Variants in BOD1L1 observed in about 807,000 individuals in gnomAD.
BOD1L1 encodes the protein biorientation of chromosomes in cell division protein 1-like 1.
A neutral mutation model predicts 240.7 loss-of-function variants in BOD1L1; 86 were observed. The observed-to-expected ratio is 0.36, with a 90% CI of 0.30 to 0.43. The LOEUF (loss-of-function observed/expected upper bound fraction) is 0.43, where lower values mean the gene tolerates loss of function less well. Ranked by LOEUF, BOD1L1 falls within the 20% of genes least tolerant of loss-of-function variation. The probability of loss-of-function intolerance (pLI) is 1.00; values close to 1 mark genes in which losing one functional copy is unlikely to be tolerated. For missense variants in BOD1L1, 3,554 were observed against 3,643.5 expected (o/e 0.98, Z 0.63); for synonymous variants, 1,268 against 1,272.3 (o/e 1.00, Z 0.07).
rs773765710 is a variant in BOD1L1 at position 13,602,881 on chromosome 4, G to A, written c.4019C>T (p.Thr1340Ile). ...TTCACCACCTTCTTTGCTGTCACTT[G>A]TCTTAAGGACTTCTGATTCCCTAAC... ...LTVRESEVLK[T>I]SDSKEGGEGF... Residue 1340 changes from threonine to isoleucine, a missense_variant, in exon 10 of 26, where the codon ACA becomes ATA. Physicochemically the swap from Thr to Ile is moderately conservative, Grantham distance 89. This residue lies in a region of BOD1L1 where 3,393 missense variants were observed against 3,427.1 expected (regional missense o/e 0.99). Coordinates refer to ENST00000040738, the MANE Select transcript of BOD1L1 (RefSeq NM_148894.3). 5 of 1,613,868 alleles carry A rather than the reference G, an allele frequency of 3.1e-6. No homozygotes were observed. The highest frequency in any genetic ancestry group is 2.2e-5 in the South Asian group (2 of 91,082).
chr4:13,584,553 T>G lies in BOD1L1; in HGVS notation c.8434-1817A>C, dbSNP rs115439848. Among the ~76,000 whole-genome samples the G allele has an allele frequency of 7.4e-4, 113 of 151,840 alleles. 1 individual carries two copies. The highest frequency in any genetic ancestry group is 2.6e-3 in the African/African-American group (108 of 41,440). ...CTCATTTCAGCCAGAACATCTACAC[T>G]TTTATCTGTTTCATATAGTGGGCTG... On this transcript the variant is annotated intron_variant, in intron 17 of 25. Transcript: ENST00000040738.
Position 13,603,779 on chromosome 4 carries a change from C to A in BOD1L1, c.3121G>T (p.Asp1041Tyr). The A allele has an allele frequency of 6.2e-7, 1 of 1,613,520 alleles. No homozygotes were observed. Residue 1041 changes from aspartate to tyrosine, a missense_variant, in exon 10 of 26, where the codon GAT (aspartate) becomes TAT (tyrosine). Asp to Tyr is a radical substitution (Grantham distance 160). Transcript: ENST00000040738. ...TCAACTTCTTTACCATCCTTGTCAT[C>A]TGATTTATTTTCGTCCTTCTTTTTT... is the stretch of plus-strand genomic sequence containing the variant. ...DIKKKDENKS[D>Y]DKDGKEVDSS...
chr4:13,608,029 CT>C (rs1238501438), intron 8 of BOD1L1, among the ~76,000 whole-genome samples: 1 of 152,130 alleles, frequency 6.6e-6, no homozygotes, highest in Non-Finnish European at 1.5e-5. Flanking sequence ...TCAAGAGTCT[CT>C]TTAGCTTTCT....
chr4:13,597,068 A>G, intron 11 of BOD1L1, 36 bp downstream of exon 11: 1 of 1,499,848 alleles, frequency 6.7e-7, no homozygotes, highest in Non-Finnish European at 9.1e-7. Context: ...GTATTTAATC[A>G]CTTACAGTTC....
rs1276018266 is a variant in BOD1L1 at position 13,600,922 on chromosome 4, T to C, written c.5978A>G (p.Lys1993Arg). The C allele has an allele frequency of 6.2e-7, 1 of 1,613,914 alleles. No homozygotes were observed. The highest frequency in any genetic ancestry group is 8.5e-7 in the Non-Finnish European group (1 of 1,179,868). ...AGTGGAAATAGTGGTATCTTCAACT[T>C]TTTCGAGCTGACTGTCACTTTGATC... ...ASDQSDSQLE[K>R]VEDTTISTGL... The change falls in exon 10 of 26, where the codon AAA becomes AGA. Residue 1993 changes from lysine (K) to arginine (R), a missense_variant. Coordinates refer to ENST00000040738, the MANE Select transcript of BOD1L1 (RefSeq NM_148894.3).
At chr4:13,623,484 CACT>C (rs1717176315) in intron 1 of BOD1L1, 1 of 152,238 alleles carries the variant, frequency 6.6e-6, no homozygotes, top group Non-Finnish European at 1.5e-5. Flanking sequence ...GCTTTGTAAC[CACT>C]AAGCTTGCTC....
intron 17 of BOD1L1, among the ~76,000 whole-genome samples, chr4:13,583,803 G>A (rs546377035): frequency 3.0e-4 from 45 of 152,198 alleles, no homozygotes; most frequent in African/African-American, 9.4e-4. Context: ...AACCAGTGTC[G>A]GTATTGGGAG....
chr4:13,582,449 C>A, intron 18 of BOD1L1, 139 bp from the exon 19 acceptor site: 1 of 751,906 alleles, frequency 1.3e-6, no homozygotes, highest in Non-Finnish European at 2.2e-6. Flanking sequence ...AATTAACAAG[C>A]CTGAGTTTGG....
chr4:13,622,258 T>C (rs896091889), intron 1 of BOD1L1, among the ~76,000 whole-genome samples: 4 of 152,216 alleles, frequency 2.6e-5, no homozygotes, highest in African/African-American at 9.6e-5. Context: ...CATTAGGCTC[T>C]AACATCACAA....
At position 13,599,184 on chromosome 4, in the gene BOD1L1, A is replaced by G. The variant is rs769174139; in HGVS notation, c.7716T>C (p.Thr2572=). ...AAGGAGCAATTTTTGATTCTTGGCC[A>G]GTAATACATTTGGTGGTACTGGTTT... ...NLKTSTTKCI[T]GQESKIAPSH... The change falls in exon 10 of 26, where the codon ACT becomes ACC. Residue 2572 remains threonine (T), a synonymous_variant. Coordinates refer to ENST00000040738, the MANE Select transcript of BOD1L1 (RefSeq NM_148894.3). The G allele has an allele frequency of 6.2e-7, 1 of 1,614,016 alleles. No individual in the cohort carries two copies. Among genetic ancestry groups the G allele is most frequent in the Non-Finnish European group, 8.5e-7 (1 of 1,179,886 alleles).
chr4:13,603,503 C>G lies in BOD1L1; in HGVS notation c.3397G>C (p.Glu1133Gln). 6.2e-7 allele frequency: 1 copy of G among 1,613,986 alleles called. No individual in the cohort carries two copies. The highest frequency in any genetic ancestry group is 8.5e-7 in the Non-Finnish European group (1 of 1,179,880). Residue 1133 changes from glutamate (E) to glutamine (Q), a missense_variant, in exon 10 of 26, where the codon GAA (glutamate) becomes CAA (glutamine). Glu to Gln is a conservative substitution (Grantham distance 29, BLOSUM62 2). Around this residue, in one of 2 missense-constraint regions of BOD1L1, gnomAD observed 3,393 missense variants for 3,427.1 expected, o/e 0.99. Coordinates refer to ENST00000040738, the MANE Select transcript of BOD1L1 (RefSeq NM_148894.3). ...CGGTTGTCTTGGGTTTTAGATACTT[C>G]AAACACATTTTCAACACCTGGCTCA... is the stretch of plus-strand genomic sequence containing the variant. ...DSEPGVENVFEVSKTQDNRNN... is the reference protein window; with the variant it reads ...DSEPGVENVFQVSKTQDNRNN...
chr4:13,585,357 T>C (rs1713584610), intron 17 of BOD1L1, among the ~76,000 whole-genome samples: 2 of 152,154 alleles, frequency 1.3e-5, no homozygotes, highest in Admixed American at 1.3e-4. Context: ...ATAAGGCGTC[T>C]AATAATTTAT....
chr4:13,615,591 C>A, intron 2 of BOD1L1, 89 bp from the exon 3 acceptor site: 1 of 1,213,528 alleles, frequency 8.2e-7, no homozygotes. Flanking sequence ...AATCTGTCAT[C>A]TATCTATCCA....
In BOD1L1 at chr4:13,627,665, C is replaced by A; in HGVS notation, c.-78G>T. ...GGCGGCGGCTGCACTGGTCCCGCCG[C>A]CTGAGGGAAGCCAACGGGATGTTGT... On this transcript the variant is annotated 5_prime_UTR_variant, in exon 1 of 26. Transcript: ENST00000040738. 9.6e-7 allele frequency: 1 copy of A among 1,042,318 alleles called. No individual in the cohort carries two copies. The highest frequency in any genetic ancestry group is 1.2e-6 in the Non-Finnish European group (1 of 864,798). The allele number at this position is 1,042,318 out of a possible 1,614,324, so 64.6% of individuals were successfully genotyped here. A position where few individuals can be genotyped will look rare whatever the true frequency, so the allele number is the denominator to read the frequency against.
At chr4:13,626,265 G>A (rs1158951831) in intron 1 of BOD1L1, 1 of 145,250 alleles carries the variant, frequency 6.9e-6, no homozygotes, top group Non-Finnish European at 1.5e-5. Context: ...AGGTTGCAGT[G>A]AGCCGAGATC....
intron 25 of BOD1L1, among the ~76,000 whole-genome samples, chr4:13,574,286 G>A (rs1252422911): frequency 6.6e-6 from 1 of 152,028 alleles, no homozygotes; most frequent in Non-Finnish European, 1.5e-5. Flanking sequence ...CTGGCTATTG[G>A]TACTACATGA....
intron 13 of BOD1L1, 36 bp downstream of exon 13, chr4:13,591,887 A>C: frequency 6.7e-7 from 1 of 1,493,842 alleles, no homozygotes; most frequent in South Asian, 1.3e-5. Context: ...AAAAAACCCA[A>C]TAACCACAAA....
intron 12 of BOD1L1, chr4:13,592,187 C>T (rs1714271481): frequency 2.1e-6 from 1 of 486,290 alleles, no homozygotes; most frequent in Non-Finnish European, 3.7e-6. Flanking sequence ...ATTAATGTTG[C>T]CTGCATTTTT....
intron 1 of BOD1L1, among the ~76,000 whole-genome samples, chr4:13,620,528 G>T (rs1289804844): frequency 6.6e-6 from 1 of 152,138 alleles, no homozygotes; most frequent in Non-Finnish European, 1.5e-5. Context: ...CCAAATTGGT[G>T]GTCCAATTTG....
Sources: gnomAD v4.1 joint callset for allele counts (sites outside exome capture counted in the v4.1 genomes callset) on GRCh38, gnomAD v4.1.1 for gene constraint, gnomAD v4.1.1 regional missense constraint, MANE v1.5 for transcripts, NCBI Gene and HGNC (gene_info 2026-07-23, HGNC 2026-07-21) for gene names.